The following KIAA1217 variants were observed in gnomAD, a reference collection of about 807,000 sequenced individuals.
The protein encoded by KIAA1217 is KIAA1217.
Under a neutral mutation model 163.9 loss-of-function variants are expected in KIAA1217, and 88 were observed. That is an observed-to-expected ratio of 0.54 (90% CI 0.45 to 0.64). The LOEUF (loss-of-function observed/expected upper bound fraction) is 0.64. Ranked by LOEUF, KIAA1217 falls within the 30% of genes least tolerant of loss-of-function variation. The pLI, the probability that KIAA1217 is intolerant of heterozygous loss-of-function variation, is 0.00. For missense variants in KIAA1217, 2,372 were observed against 2,475.0 expected (o/e 0.96, Z 0.88); for synonymous variants, 903 against 923.1 (o/e 0.98, Z 0.39).
At chr10:24,501,591 T>G in intron 9 of KIAA1217, 46 bp downstream of exon 9, 39 of 1,560,684 alleles carry the variant, frequency 2.5e-5, no homozygotes, top group Non-Finnish European at 3.1e-5. Flanking sequence ...CCCTGAGCTC[T>G]TCCTACCTTC....
intron 1 of KIAA1217, among the ~76,000 whole-genome samples, chr10:23,976,045 A>T (rs1845526797): frequency 3.3e-5 from 5 of 151,984 alleles, no homozygotes; most frequent in African/African-American, 1.2e-4. Flanking sequence ...GAATTCAGAG[A>T]CTCCCAGCTC....
intron 2 of KIAA1217, among the ~76,000 whole-genome samples, chr10:24,203,471 T>A (rs2067375674): frequency 6.6e-6 from 1 of 152,078 alleles, no homozygotes; most frequent in Non-Finnish European, 1.5e-5. Context: ...TTGGGGGATG[T>A]TGGTGGGGGA....
chr10:24,332,569 G>A (rs545774075), intron 2 of KIAA1217, among the ~76,000 whole-genome samples: 1 of 152,042 alleles, frequency 6.6e-6, no homozygotes, highest in African/African-American at 2.4e-5. Context: ...ATCCTCTCTC[G>A]GTGACAGAGT....
chr10:23,859,492 A>C (rs1315470599), intron 1 of KIAA1217, among the ~76,000 whole-genome samples: 1 of 152,226 alleles, frequency 6.6e-6, no homozygotes, highest in African/African-American at 2.4e-5. Context: ...ATAATGGCAC[A>C]ACCTTCTACT....
intron 4 of KIAA1217, 45 bp from the exon 5 acceptor site, chr10:24,438,341 C>G: frequency 7.2e-7 from 1 of 1,396,160 alleles, no homozygotes; most frequent in Non-Finnish European, 1.0e-6. Context: ...TGGCCAAAGT[C>G]AGGCTTCTTT....
At chr10:23,710,907 A>C (rs1837210559) in intron 1 of KIAA1217, among the ~76,000 whole-genome samples, 1 of 152,202 alleles carries the variant, frequency 6.6e-6, no homozygotes, top group African/African-American at 2.4e-5. Context: ...CAAACCAATG[A>C]AGCAAGATTG....
In KIAA1217 at chr10:24,473,612, G is replaced by A; in HGVS notation, c.1231G>A (p.Gly411Ser). 6.2e-7 allele frequency: 1 copy of A among 1,614,050 alleles called. No homozygotes were observed. Among genetic ancestry groups the A allele is most frequent in the Middle Eastern group, 1.6e-4 (1 of 6,062 alleles). ...ACGGATGAGCATAGCCTCATCCCATGGTGGACACCCACTGGATGTCCCCGA... is the reference window on the plus strand; with the variant it reads ...ACGGATGAGCATAGCCTCATCCCATAGTGGACACCCACTGGATGTCCCCGA... ...EGRMSIASSH[G>S]GHPLDVPDHI... The change falls in exon 6 of 21, where the codon GGT becomes AGT. Residue 411 changes from glycine to serine, a missense_variant. Gly to Ser is a moderately conservative substitution (Grantham distance 56). Around this residue, in one of 3 missense-constraint regions of KIAA1217, gnomAD observed 1,431 missense variants for 1,470.3 expected, o/e 0.97. Coordinates refer to ENST00000376454, the MANE Select transcript of KIAA1217 (RefSeq NM_019590.5).
Position 23,967,098 on chromosome 10 carries a change from T to C in KIAA1217, c.-320-40127T>C, listed in dbSNP as rs576822760. On this transcript the variant is annotated intron_variant, in intron 1 of 18. Transcript: ENST00000376462. ...CTTGGAAATATAGAAGACCCTCCCC[T>C]TTTAAACAACTCCTCAAAGAAAAAG... Among the ~76,000 whole-genome samples, 47 of 152,186 alleles carry C rather than the reference T, an allele frequency of 3.1e-4. 1 individual carries two copies. In the South Asian group the frequency reaches 9.1e-3, roughly 29 times the overall value.
At chr10:24,144,554 T>C (rs1449346628) in intron 2 of KIAA1217, among the ~76,000 whole-genome samples, 1 of 152,234 alleles carries the variant, frequency 6.6e-6, no homozygotes, top group Non-Finnish European at 1.5e-5. Flanking sequence ...CTAACATGAC[T>C]AATTTTTTAA....
intron 1 of KIAA1217, among the ~76,000 whole-genome samples, chr10:23,955,466 C>T (rs776705068): frequency 4.6e-5 from 7 of 152,204 alleles, no homozygotes; most frequent in Non-Finnish European, 8.8e-5. Context: ...TTTTATCCAT[C>T]AAAACGTTTC....
chr10:24,159,048 A>C (rs1564770209), intron 2 of KIAA1217, among the ~76,000 whole-genome samples: 1 of 152,140 alleles, frequency 6.6e-6, no homozygotes, highest in Admixed American at 6.6e-5. Context: ...AACACAGAAA[A>C]CTCAGCATTG....
At chr10:23,856,803 A>T (rs1839701337) in intron 1 of KIAA1217, among the ~76,000 whole-genome samples, 1 of 152,238 alleles carries the variant, frequency 6.6e-6, no homozygotes, top group Non-Finnish European at 1.5e-5. Flanking sequence ...TGGGCGTAGG[A>T]CACTGCCAGC....
At position 24,277,635 on chromosome 10, in the gene KIAA1217, C is replaced by A. The variant is rs375366466; in HGVS notation, c.354+57726C>A. On this transcript the variant is annotated intron_variant, in intron 2 of 20. Transcript: ENST00000376454. Reference sequence around the variant, plus strand: ...TGAAAGCTGATGGTTTTATAAGGGGCTTTCCCTTTCACTGGGCACTCATTC... The same window carrying A: ...TGAAAGCTGATGGTTTTATAAGGGGATTTCCCTTTCACTGGGCACTCATTC... Among the ~76,000 whole-genome samples, 19 of 152,294 alleles carry A rather than the reference C, an allele frequency of 1.2e-4. 1 individual carries two copies. Among genetic ancestry groups the A allele is most frequent in the Admixed American group, 9.8e-4 (15 of 15,298 alleles).
chr10:24,505,265 G>A (rs2134070028), intron 9 of KIAA1217, among the ~76,000 whole-genome samples: 1 of 150,118 alleles, frequency 6.7e-6, no homozygotes, highest in Non-Finnish European at 1.5e-5. Flanking sequence ...TTCTCTGCTA[G>A]CTACATTTGG....
chr10:24,369,082 C>T (rs1257329133), intron 2 of KIAA1217, among the ~76,000 whole-genome samples: 3 of 152,058 alleles, frequency 2.0e-5, no homozygotes, highest in Non-Finnish European at 4.4e-5. Context: ...TAAATTTTGT[C>T]TTCTGTCCAT....
rs201109038 is a variant in KIAA1217 at position 24,521,927 on chromosome 10, G to A, written c.2454G>A (p.Arg818=). Residue 818 remains arginine, a splice_region_variant and synonymous_variant, in exon 12 of 21, where the codon CGG becomes CGA. Coordinates refer to ENST00000376454, the MANE Select transcript of KIAA1217 (RefSeq NM_019590.5). ...RSMTDVLTML[R]RHVTDGLLKG... is the part of the protein sequence containing the mutation. ...TGACAGACGTCCTGACCATGCTGCGGAGGTGACCGGGCCCTCATCGTGCTG... is the reference window on the plus strand; with the variant it reads ...TGACAGACGTCCTGACCATGCTGCGAAGGTGACCGGGCCCTCATCGTGCTG... The A allele has an allele frequency of 1.2e-5, 19 of 1,603,924 alleles. No homozygotes were observed. Among genetic ancestry groups the A allele is most frequent in the Non-Finnish European group, 1.5e-5 (18 of 1,174,074 alleles).
intron 1 of KIAA1217, among the ~76,000 whole-genome samples, chr10:23,805,734 C>G (rs1836702968): frequency 6.6e-6 from 1 of 151,910 alleles, no homozygotes. Flanking sequence ...AAAAATAGGG[C>G]CAGGTGCGGT....
intron 1 of KIAA1217, among the ~76,000 whole-genome samples, chr10:23,907,815 A>T (rs2131261856): frequency 6.6e-6 from 1 of 151,548 alleles, no homozygotes; most frequent in African/African-American, 2.4e-5. Context: ...CATAAAATTG[A>T]CTCTCAGAAG....
chr10:23,796,356 T>TTTAC (rs1554796773), intron 1 of KIAA1217, among the ~76,000 whole-genome samples: 1 of 151,560 alleles, frequency 6.6e-6, no homozygotes, highest in African/African-American at 2.4e-5. Flanking sequence ...TATTTATTTA[T>TTTAC]TTATTTATTT....
Sources: allele counts gnomAD v4.1 joint callset (sites outside exome capture counted in the v4.1 genomes callset), GRCh38; gene constraint gnomAD v4.1.1; regional missense constraint gnomAD v4.1.1; transcripts MANE v1.5; gene names NCBI Gene and HGNC (gene_info 2026-07-23, HGNC 2026-07-21).